The following CMIP variants were observed in gnomAD, a reference collection of about 807,000 sequenced individuals.
CMIP encodes c-Maf inducing protein, also known as C-Maf-inducing protein.
CMIP carries 13 observed loss-of-function variants against 97.3 expected under a neutral mutation model. That is an observed-to-expected ratio of 0.13 (90% confidence interval 0.09 to 0.21). The LOEUF (loss-of-function observed/expected upper bound fraction) is 0.21. Ranked by LOEUF, CMIP falls within the 10% of genes least tolerant of loss-of-function variation. The probability of loss-of-function intolerance (pLI) is 1.00; values close to 1 mark genes in which losing one functional copy is unlikely to be tolerated. For synonymous variants in CMIP, 538 were observed against 436.3 expected (o/e 1.23, Z -2.91); for missense variants, 847 against 1,024.9 (o/e 0.83, Z 2.37).
At chr16:81,533,420 G>A (rs1438154458) in intron 1 of CMIP, among the ~76,000 whole-genome samples, 1 of 152,204 alleles carries the variant, frequency 6.6e-6, no homozygotes, top group East Asian at 1.9e-4. Context: ...GTACATGGTA[G>A]CTAAGGTTAT....
chr16:81,519,015 A>T (rs1431010922), intron 1 of CMIP: 1 of 152,142 alleles, frequency 6.6e-6, no homozygotes, highest in South Asian at 2.1e-4. Flanking sequence ...TTGTATTTTT[A>T]TTAGAGACGG....
chr16:81,466,513 G>C, intron 1 of CMIP, among the ~76,000 whole-genome samples: 1 of 152,194 alleles, frequency 6.6e-6, no homozygotes, highest in East Asian at 1.9e-4. Context: ...CAGTTTCCTT[G>C]TCTGTGTAAC....
chr16:81,556,378 A>C (rs4243206), intron 1 of CMIP, among the ~76,000 whole-genome samples: 116,667 of 152,096 alleles, frequency 0.77, 45,623 homozygotes, highest in South Asian at 0.91. Flanking sequence ...CCCTATTTTT[A>C]ATTCTTCTGC....
At chr16:81,636,796 C>T (rs867131587) in intron 3 of CMIP, among the ~76,000 whole-genome samples, 4 of 152,244 alleles carry the variant, frequency 2.6e-5, no homozygotes, top group African/African-American at 2.4e-5. Flanking sequence ...CTCCCCCGAG[C>T]CACTTCCGTC....
In CMIP at chr16:81,462,449, G is replaced by T. The variant is rs76135980; in HGVS notation, c.300+16908G>T. On this transcript the variant is annotated intron_variant, in intron 1 of 20. Coordinates refer to ENST00000537098, the MANE Select transcript of CMIP (RefSeq NM_198390.3). ...GGCAATAAACCAGGCTAGGGGGTCA[G>T]TGACGCTTCCCCAGCAGGAAATGGA... Among the ~76,000 whole-genome samples, 8 of 152,250 alleles carry T rather than the reference G, an allele frequency of 5.3e-5. No individual in the cohort carries two copies. The East Asian group carries it at 1.5e-3, about 29-fold the overall frequency.
chr16:81,603,575 G>A, intron 1 of CMIP: 1 of 404,572 alleles, frequency 2.5e-6, no homozygotes, highest in African/African-American at 2.1e-5. Context: ...CATTTTATTA[G>A]GTTTCTTTAG....
At chr16:81,694,266 G>A (rs1906446039) in intron 13 of CMIP, among the ~76,000 whole-genome samples, 1 of 152,218 alleles carries the variant, frequency 6.6e-6, no homozygotes, top group Admixed American at 6.5e-5. Context: ...TTCTCTGTGT[G>A]CATGAGTTCT....
chr16:81,513,932 C>T (rs2150794970), intron 1 of CMIP, among the ~76,000 whole-genome samples: 1 of 152,286 alleles, frequency 6.6e-6, no homozygotes, highest in African/African-American at 2.4e-5. Flanking sequence ...GCCCCCACTG[C>T]CCAGTGCAAT....
chr16:81,455,576 G>A (rs376813088), intron 1 of CMIP, among the ~76,000 whole-genome samples: 25 of 152,274 alleles, frequency 1.6e-4, no homozygotes, highest in African/African-American at 5.8e-4. Context: ...GGCTCTGTCC[G>A]TACTGAAAGC....
At chr16:81,603,668 CT>C (rs1381069596) in intron 1 of CMIP, among the ~76,000 whole-genome samples, 1 of 152,160 alleles carries the variant, frequency 6.6e-6, no homozygotes, top group Non-Finnish European at 1.5e-5. Flanking sequence ...CAAAACTTCC[CT>C]TGGCTGGGAT....
chr16:81,534,563 CTTAA>C (rs2090304606), intron 1 of CMIP, among the ~76,000 whole-genome samples: 1 of 151,752 alleles, frequency 6.6e-6, no homozygotes, highest in Non-Finnish European at 1.5e-5. Context: ...AGTTGAGTGT[CTTAA>C]TTAGTGACTT....
chr16:81,657,650 GAC>G, intron 4 of CMIP, 123 bp from the exon 5 acceptor site: 1 of 755,516 alleles, frequency 1.3e-6, no homozygotes, highest in East Asian at 2.9e-5. Context: ...AAGAAAAAAT[GAC>G]AGTGACAGTT....
At chr16:81,596,250 A>T (rs2091553969) in intron 1 of CMIP, among the ~76,000 whole-genome samples, 1 of 152,182 alleles carries the variant, frequency 6.6e-6, no homozygotes, top group African/African-American at 2.4e-5. Context: ...TCACGCCTGT[A>T]ATCCCAGCAC....
chr16:81,551,109 A>G (rs553181998), intron 1 of CMIP, among the ~76,000 whole-genome samples: 4 of 133,160 alleles, frequency 3.0e-5, no homozygotes, highest in African/African-American at 1.2e-4. Flanking sequence ...TCCATCACAT[A>G]TATCCCAGTT....
chr16:81,478,098 C>A (rs971438232), intron 1 of CMIP, among the ~76,000 whole-genome samples: 1 of 152,232 alleles, frequency 6.6e-6, no homozygotes, highest in African/African-American at 2.4e-5. Context: ...CGCTAGCCAT[C>A]TCTGCCACTG....
chr16:81,447,711 C>G (rs953938425), intron 1 of CMIP, among the ~76,000 whole-genome samples: 1 of 152,362 alleles, frequency 6.6e-6, no homozygotes, highest in East Asian at 1.9e-4. Flanking sequence ...CTTTCCGCTG[C>G]CTTTCGTCAC....
intron 7 of CMIP, chr16:81,664,669 G>A (rs1057223589): frequency 2.1e-5 from 12 of 561,156 alleles, no homozygotes; most frequent in Non-Finnish European, 3.1e-5. Context: ...CCCAGAGCGC[G>A]ACTTTGCACT....
At chr16:81,555,160 C>G (rs1179677025) in intron 1 of CMIP, among the ~76,000 whole-genome samples, 2 of 152,360 alleles carry the variant, frequency 1.3e-5, no homozygotes, top group Middle Eastern at 3.4e-3. Context: ...AGCCTGTCAT[C>G]TCCTCTCTTG....
chr16:81,603,978 G>T (rs1469348355), intron 1 of CMIP, among the ~76,000 whole-genome samples: 1 of 152,172 alleles, frequency 6.6e-6, no homozygotes, highest in Non-Finnish European at 1.5e-5. Flanking sequence ...ACTCAGAGAG[G>T]GGGAGTAACT....
Sources: allele counts gnomAD v4.1 joint callset (sites outside exome capture counted in the v4.1 genomes callset), GRCh38; gene constraint gnomAD v4.1.1; transcripts MANE v1.5; gene names NCBI Gene and HGNC (gene_info 2026-07-23, HGNC 2026-07-21).